The following MLLT1 variants were observed in gnomAD, a reference collection of about 807,000 sequenced individuals.
MLLT1 encodes the protein MLLT1 super elongation complex subunit.
Under a neutral mutation model 55.1 loss-of-function variants are expected in MLLT1, and 11 were observed. The observed-to-expected ratio is 0.20, with a 90% CI of 0.13 to 0.33. The LOEUF is 0.33. MLLT1 is among the 10% of genes least tolerant of loss of function. The pLI is 1.00. For missense variants in MLLT1, 536 were observed against 760.6 expected (o/e 0.70, Z 3.47); for synonymous variants, 323 against 320.1 (o/e 1.01, Z -0.10).
At chr19:6,220,432 AG>A (rs2090887089) in intron 6 of MLLT1, among the ~76,000 whole-genome samples, 1 of 152,216 alleles carries the variant, frequency 6.6e-6, no homozygotes, top group African/African-American at 2.4e-5. Context: ...TTCGGCCAGG[AG>A]GAAGTCCCAA....
rs906998160 is a variant in MLLT1, at chr19:6,216,308, A to G, written c.1307+97T>C. On this transcript the variant is annotated intron_variant, in intron 8 of 11. Coordinates refer to ENST00000252674, the MANE Select transcript of MLLT1 (RefSeq NM_005934.4). ...CTTTGGCCCTCCCAGGGGACCCTCC[A>G]GTCCCAACCCCACCTGCAGCCCCAC... 19 of 902,162 alleles carry G rather than the reference A, an allele frequency of 2.1e-5. No individual in the cohort carries two copies. In the Admixed American group the frequency reaches 2.3e-4, roughly 11 times the overall value. The allele number at this position is 902,162 out of a possible 1,614,324, so 55.9% of individuals were successfully genotyped here. A position where few individuals can be genotyped will look rare whatever the true frequency, so the allele number is the denominator to read the frequency against.
At chr19:6,223,893 C>T (rs971762339) in intron 5 of MLLT1, among the ~76,000 whole-genome samples, 17 of 152,158 alleles carry the variant, frequency 1.1e-4, no homozygotes, top group Admixed American at 1.1e-3. Context: ...AGCAGGTGCA[C>T]GGCGGCCCCA....
chr19:6,227,450 G>A lies in MLLT1; in HGVS notation c.421-348C>T, dbSNP rs1267768031. Reference sequence around the variant, plus strand: ...GCTGCGGCCGAAGCCTGACCTACGCGCTTAGGTTTAGGGGGAACAGCTCAG... The same window carrying A: ...GCTGCGGCCGAAGCCTGACCTACGCACTTAGGTTTAGGGGGAACAGCTCAG... On this transcript the variant is annotated intron_variant, in intron 4 of 11. Coordinates refer to ENST00000252674, the MANE Select transcript of MLLT1 (RefSeq NM_005934.4). The surrounding 1 kb of genome is among the most constrained non-coding windows in gnomAD (Gnocchi z 5.1). Among the ~76,000 whole-genome samples the A allele has an allele frequency of 1.3e-5, 2 of 152,240 alleles. No individual in the cohort carries two copies. Among genetic ancestry groups the A allele is most frequent in the Non-Finnish European group, 2.9e-5 (2 of 68,040 alleles).
At position 6,230,472 on chromosome 19, in the gene MLLT1, G is replaced by T; in HGVS notation, c.420+98C>A. The T allele has an allele frequency of 6.8e-7, 1 of 1,466,274 alleles. No homozygotes were observed. Among genetic ancestry groups the T allele is most frequent in the Non-Finnish European group, 9.2e-7 (1 of 1,084,452 alleles). 90.8% of individuals were successfully genotyped at this position (1,466,274 alleles called of 1,614,324 possible). ...CCGTGTGACCTGCGCCTTGGGTCTC[G>T]GCCCCCAGCACCGACACCTCTGGCT... is the stretch of plus-strand genomic sequence containing the variant. On this transcript the variant is annotated intron_variant, in intron 4 of 11. Coordinates refer to ENST00000252674, the MANE Select transcript of MLLT1 (RefSeq NM_005934.4). This position sits in a 1 kb window ranked among gnomAD's most constrained non-coding sequence, Gnocchi z 9.0.
At chr19:6,257,396 TA>T (rs35846864) in intron 3 of MLLT1, among the ~76,000 whole-genome samples, 48,626 of 119,162 alleles carry the variant, frequency 0.41, 9,691 homozygotes, top group African/African-American at 0.61. Flanking sequence ...ATGAAGAATG[TA>T]AAAAAAAAAA....
intron 1 of MLLT1, among the ~76,000 whole-genome samples, chr19:6,271,008 C>T (rs529483337): frequency 1.3e-5 from 2 of 152,220 alleles, no homozygotes; most frequent in South Asian, 2.1e-4. Context: ...CAATTCCACC[C>T]GCACAGCCTC....
chr19:6,232,863 C>T lies in MLLT1; in HGVS notation c.277-2150G>A, dbSNP rs187412106. Among the ~76,000 whole-genome samples the T allele has an allele frequency of 2.2e-3, 336 of 152,334 alleles. 1 individual carries two copies. Among genetic ancestry groups the T allele is most frequent in the African/African-American group, 7.8e-3 (323 of 41,578 alleles). ...GCTGAATTTTATGGTAGGTGAATCA[C>T]AACGCACTTTGTTAAAATGCAGTCC... On this transcript the variant is annotated intron_variant, in intron 3 of 11. Transcript: ENST00000252674.
rs1282867817 is a variant in MLLT1, at chr19:6,231,553, CCA to C, written c.277-842_277-841del. On this transcript the variant is annotated intron_variant, in intron 3 of 11. Transcript: ENST00000252674. The surrounding 1 kb of genome is among the most constrained non-coding windows in gnomAD (Gnocchi z 5.1). The stretch of plus-strand genomic sequence containing the variant: ...TTGAGATGGAGTCTTGCTCTGTTGC[CCA>C]GGCTGGAGTGCAGTGGCGCGATCTC... Among the ~76,000 whole-genome samples the C allele has an allele frequency of 6.6e-6, 1 of 151,910 alleles. No homozygotes were observed. The highest frequency in any genetic ancestry group is 6.6e-5 in the Admixed American group (1 of 15,254).
At chr19:6,254,266 C>A (rs1423829794) in intron 3 of MLLT1, among the ~76,000 whole-genome samples, 1 of 152,230 alleles carries the variant, frequency 6.6e-6, no homozygotes, top group Non-Finnish European at 1.5e-5. Context: ...TCCAGGCTGG[C>A]CCGTCTGAGG....
In MLLT1 at chr19:6,256,683, G is replaced by A. The variant is rs1000382719; in HGVS notation, c.276+5545C>T. On this transcript the variant is annotated intron_variant, in intron 3 of 11. Transcript: ENST00000252674. This position sits in a 1 kb window ranked among gnomAD's most constrained non-coding sequence, Gnocchi z 4.1. ...GCAGGAGAATGGTGTGAACCCGGGA[G>A]GCGGAGCTTGCAGTGAGCCGAGATG... Among the ~76,000 whole-genome samples the A allele has an allele frequency of 5.3e-5, 8 of 152,242 alleles. No homozygotes were observed. In the East Asian group the frequency reaches 1.3e-3, roughly 26 times the overall value.
In MLLT1 at chr19:6,230,499, G is replaced by A; in HGVS notation, c.420+71C>T. On this transcript the variant is annotated intron_variant, in intron 4 of 11. Coordinates refer to ENST00000252674, the MANE Select transcript of MLLT1 (RefSeq NM_005934.4). The surrounding 1 kb of genome is among the most constrained non-coding windows in gnomAD (Gnocchi z 9.0). Reference sequence around the variant, plus strand: ...CCCCCAGCACCGACACCTCTGGCTGGGCACAGACGGCCGCAGCAAAGTAGC... The same window carrying A: ...CCCCCAGCACCGACACCTCTGGCTGAGCACAGACGGCCGCAGCAAAGTAGC... 2 of 1,577,946 alleles carry A rather than the reference G, an allele frequency of 1.3e-6. No individual in the cohort carries two copies. The highest frequency in any genetic ancestry group is 1.7e-6 in the Non-Finnish European group (2 of 1,161,392).
intron 8 of MLLT1, 76 bp downstream of exon 8, chr19:6,216,329 C>T (rs2090843019): frequency 2.8e-6 from 3 of 1,082,046 alleles, no homozygotes; most frequent in South Asian, 2.7e-5. Context: ...CACCTGCAGC[C>T]CCACAATCAC....
chr19:6,231,049 AC>A lies in MLLT1; in HGVS notation c.277-337del, dbSNP rs1481947096. 6.6e-6 allele frequency among the ~76,000 whole-genome samples: 1 copy of A among 152,084 alleles called. No individual in the cohort carries two copies. Among genetic ancestry groups the A allele is most frequent in the Non-Finnish European group, 1.5e-5 (1 of 68,016 alleles). ...AACCGACGCACAGACACCAACTAACACGTGGCAGCACTGAGACCTGCCCCAG... is the reference window on the plus strand; with the variant it reads ...AACCGACGCACAGACACCAACTAACAGTGGCAGCACTGAGACCTGCCCCAG... On this transcript the variant is annotated intron_variant, in intron 3 of 11. Transcript: ENST00000252674. This position sits in a 1 kb window ranked among gnomAD's most constrained non-coding sequence, Gnocchi z 5.1.
chr19:6,262,348 T>G lies in MLLT1; in HGVS notation c.194-38A>C, dbSNP rs2091312585. The G allele has an allele frequency of 1.3e-6, 2 of 1,577,762 alleles. No homozygotes were observed. Reference sequence around the variant, plus strand: ...GGAAGAAACACACCCATCAGCCTCCTGCCTGTTTCAGGCCCAGCTGCCAGC... The same window carrying G: ...GGAAGAAACACACCCATCAGCCTCCGGCCTGTTTCAGGCCCAGCTGCCAGC... On this transcript the variant is annotated intron_variant, in intron 2 of 11. Coordinates refer to ENST00000252674, the MANE Select transcript of MLLT1 (RefSeq NM_005934.4). The surrounding 1 kb of genome is among the most constrained non-coding windows in gnomAD (Gnocchi z 4.4).
chr19:6,234,408 T>C (rs563612566), intron 3 of MLLT1, among the ~76,000 whole-genome samples: 1 of 152,334 alleles, frequency 6.6e-6, no homozygotes, highest in East Asian at 1.9e-4. Flanking sequence ...AAGGCACTTC[T>C]GGGCACAGGG....
At position 6,240,961 on chromosome 19, in the gene MLLT1, T is replaced by C. The variant is rs1416789415; in HGVS notation, c.277-10248A>G. ...ATTAACTGGAAGCCAAACTTAATGA[T>C]TTCTCCTCAGTCTGACACCAGAAAA... On this transcript the variant is annotated intron_variant, in intron 3 of 11. Transcript: ENST00000252674. The surrounding 1 kb of genome is among the most constrained non-coding windows in gnomAD (Gnocchi z 4.7). 6.6e-6 allele frequency among the ~76,000 whole-genome samples: 1 copy of C among 152,172 alleles called. No individual in the cohort carries two copies. The highest frequency in any genetic ancestry group is 1.5e-5 in the Non-Finnish European group (1 of 68,034).
In MLLT1 at chr19:6,231,484, T is replaced by C. The variant is rs10402403; in HGVS notation, c.277-771A>G. On this transcript the variant is annotated intron_variant, in intron 3 of 11. Coordinates refer to ENST00000252674, the MANE Select transcript of MLLT1 (RefSeq NM_005934.4). This position sits in a 1 kb window ranked among gnomAD's most constrained non-coding sequence, Gnocchi z 5.1. ...GGCCTAGCCACATGTGCAGGGGCTG[T>C]GTTTCTGTGAACCTTGAAATTTCGA... 0.068 allele frequency among the ~76,000 whole-genome samples: 10,395 copies of C among 152,124 alleles called. 641 individuals are homozygous for C. The highest frequency in any genetic ancestry group is 0.15 in the African/African-American group (6,306 of 41,462).
rs1382364147 is a variant in MLLT1 at position 6,211,356 on chromosome 19, C to A, written c.*1686G>T. The stretch of plus-strand genomic sequence containing the variant: ...AGGTGGCGAGGAGTCCCGGAGGCTT[C>A]CTCCGAAGGTTCTCGGGCCTTTCCC... On this transcript the variant is annotated 3_prime_UTR_variant, in exon 12 of 12. Transcript: ENST00000252674. This position sits in a 1 kb window ranked among gnomAD's most constrained non-coding sequence, Gnocchi z 4.6. The A allele has an allele frequency of 4.3e-6, 1 of 233,378 alleles. No individual in the cohort carries two copies. 14.5% of individuals were successfully genotyped at this position (233,378 alleles called of 1,614,324 possible).
In MLLT1 at chr19:6,219,751, A is replaced by T. The variant is rs536284473; in HGVS notation, c.1111-1710T>A. On this transcript the variant is annotated intron_variant, in intron 6 of 11. Coordinates refer to ENST00000252674, the MANE Select transcript of MLLT1 (RefSeq NM_005934.4). This position sits in a 1 kb window ranked among gnomAD's most constrained non-coding sequence, Gnocchi z 4.5. ...ACTAAAGGTGGAGAGGGGGCAGTTC[A>T]GGCGGCCAAAGGAGGCTGCACAAGG... Among the ~76,000 whole-genome samples, 15 of 152,328 alleles carry T rather than the reference A, an allele frequency of 9.8e-5. 1 individual carries two copies. The highest frequency in any genetic ancestry group is 3.1e-4 in the African/African-American group (13 of 41,562).
Sources: gnomAD v4.1 joint callset for allele counts (sites outside exome capture counted in the v4.1 genomes callset) on GRCh38, gnomAD v4.1.1 for gene constraint, Gnocchi (gnomAD v3.1) non-coding constraint, MANE v1.5 for transcripts, NCBI Gene and HGNC (gene_info 2026-07-23, HGNC 2026-07-21) for gene names.